Variants in DELE1 observed in about 807,000 individuals in gnomAD.
The protein encoded by DELE1 is DAP3 binding cell death enhancer 1.
In DELE1, 54 loss-of-function variants were observed where a neutral mutation model predicts 59.3. The ratio of observed to expected loss-of-function variants is 0.91; its 90% CI spans 0.73 to 1.14. The LOEUF is 1.14. DELE1 is among the 50% of genes most tolerant of loss of function. DELE1 has a pLI of 0.00. For missense variants in DELE1, 636 were observed against 643.9 expected (o/e 0.99, Z 0.13); for synonymous variants, 264 against 259.1 (o/e 1.02, Z -0.18).
chr5:141,924,561 G>A lies in DELE1; in HGVS notation c.32-20G>A, dbSNP rs376010581. 9 of 1,489,094 alleles carry A rather than the reference G, an allele frequency of 6.0e-6. No homozygotes were observed. The highest frequency in any genetic ancestry group is 1.7e-5 in the Admixed American group (1 of 58,874). The allele number at this position is 1,489,094 out of a possible 1,614,324, so 92.2% of individuals were successfully genotyped here. On this transcript the variant is annotated intron_variant, in intron 1 of 11. Coordinates refer to ENST00000432126, the MANE Select transcript of DELE1 (RefSeq NM_014773.5). ...CCTGGGTTCTTGTTGAGGTGCCTGA[G>A]TTTTGGTTGTTCTGTACAGCTCTTC...
At chr5:141,936,093 T>C (rs766168560) in intron 10 of DELE1, among the ~76,000 whole-genome samples, 1 of 152,158 alleles carries the variant, frequency 6.6e-6, no homozygotes, top group Non-Finnish European at 1.5e-5. Context: ...CAATAGTGTT[T>C]TGTTTTGTTT....
In DELE1 at chr5:141,941,833, T is replaced by C; in HGVS notation, c.*3074T>C. On this transcript the variant is annotated 3_prime_UTR_variant, in exon 12 of 12. Transcript: ENST00000432126. ...AAATAAGTGAGTGATTATACTCAAC[T>C]CCCCCCACCCAATGCCCAGCACCAA... 1.0e-6 allele frequency: 1 copy of C among 985,242 alleles called. No homozygotes were observed. Among genetic ancestry groups the C allele is most frequent in the Non-Finnish European group, 1.2e-6 (1 of 829,900 alleles). The allele number at this position is 985,242 out of a possible 1,614,324, so 61.0% of individuals were successfully genotyped here.
At position 141,938,760 on chromosome 5, in the gene DELE1, G is replaced by A. The variant is rs1459494862; in HGVS notation, c.*1G>A. 2 of 1,609,542 alleles carry A rather than the reference G, an allele frequency of 1.2e-6. No homozygotes were observed. The highest frequency in any genetic ancestry group is 4.5e-5 in the East Asian group (2 of 44,774). ...TGTTGTAAGACTAGGTTTTGGCTAA[G>A]GTGAGATAAAACATAGTCCCTGGTG... is the stretch of plus-strand genomic sequence containing the variant. On this transcript the variant is annotated 3_prime_UTR_variant, in exon 12 of 12. Coordinates refer to ENST00000432126, the MANE Select transcript of DELE1 (RefSeq NM_014773.5).
intron 11 of DELE1, 32 bp downstream of exon 11, chr5:141,937,389 T>G: frequency 1.2e-6 from 2 of 1,610,976 alleles, no homozygotes; most frequent in Non-Finnish European, 8.5e-7. Context: ...AACAGGTTCA[T>G]TCCCTGAGCT....
Position 141,939,367 on chromosome 5 carries a change from A to G in DELE1, c.*608A>G, listed in dbSNP as rs1752605094. The G allele has an allele frequency of 3.1e-6, 3 of 973,848 alleles. No individual in the cohort carries two copies. Among genetic ancestry groups the G allele is most frequent in the Admixed American group, 6.2e-5 (1 of 16,258 alleles). The allele number at this position is 973,848 out of a possible 1,614,324, so 60.3% of individuals were successfully genotyped here. A position where few individuals can be genotyped will look rare whatever the true frequency, so the allele number is the denominator to read the frequency against. On this transcript the variant is annotated 3_prime_UTR_variant, in exon 12 of 12. Coordinates refer to ENST00000432126, the MANE Select transcript of DELE1 (RefSeq NM_014773.5). ...TGGGCACAGATCCAGAGAGGTAGCA[A>G]AAATCACAGGGGTGGTTCCATGAAT...
In DELE1 at chr5:141,933,188, G is replaced by A. The variant is rs1752075900; in HGVS notation, c.755-71G>A. The A allele has an allele frequency of 5.3e-6, 7 of 1,308,844 alleles. No homozygotes were observed. The South Asian group carries it at 7.7e-5, about 14-fold the overall frequency. The allele number at this position is 1,308,844 out of a possible 1,614,324, so 81.1% of individuals were successfully genotyped here. The stretch of plus-strand genomic sequence containing the variant: ...GGGAGGAGGATCAGATGAGGAGTCT[G>A]TAGGTACCTGGCTGAGGGTGTGGGG... On this transcript the variant is annotated intron_variant, in intron 7 of 11. Coordinates refer to ENST00000432126, the MANE Select transcript of DELE1 (RefSeq NM_014773.5).
rs183864649 is a variant in DELE1 at position 141,941,698 on chromosome 5, G to C, written c.*2939G>C. ...CTCAGTTTCCCTATCCGGAGATGCT[G>C]TTTTCAGGGAGTCCTGACACTATGA... On this transcript the variant is annotated 3_prime_UTR_variant, in exon 12 of 12. Transcript: ENST00000432126. 1 of 985,366 alleles carries C rather than the reference G, an allele frequency of 1.0e-6. No individual in the cohort carries two copies. The highest frequency in any genetic ancestry group is 1.1e-4 in the East Asian group (1 of 8,794). The allele number at this position is 985,366 out of a possible 1,614,324, so 61.0% of individuals were successfully genotyped here. A position where few individuals can be genotyped will look rare whatever the true frequency, so the allele number is the denominator to read the frequency against.
Position 141,925,501 on chromosome 5 carries a change from A to G in DELE1, c.238A>G (p.Asn80Asp), listed in dbSNP as rs1378728835. The G allele has an allele frequency of 6.2e-7, 1 of 1,601,978 alleles. No homozygotes were observed. The highest frequency in any genetic ancestry group is 1.1e-5 in the South Asian group (1 of 89,232). Residue 80 changes from asparagine to aspartate, a missense_variant, in exon 3 of 12, where the codon AAC (asparagine) becomes GAC (aspartate). Coordinates refer to ENST00000432126, the MANE Select transcript of DELE1 (RefSeq NM_014773.5). Reference protein sequence around the residue: ...FQWMSSRVSPNTLWDAISWGT... With the variant: ...FQWMSSRVSPDTLWDAISWGT... ...ATGGATGTCTTCCCGTGTCTCCCCG[A>G]ACACCCTATGGGATGCCATATCTTG...
chr5:141,931,641 T>C (rs546168789), intron 7 of DELE1, among the ~76,000 whole-genome samples: 2 of 152,272 alleles, frequency 1.3e-5, no homozygotes, highest in East Asian at 1.9e-4. Context: ...GATCTGGTTA[T>C]ATTAATGAGC....
chr5:141,933,264 G>T lies in DELE1; in HGVS notation c.760G>T (p.Glu254Ter), dbSNP rs1182146298. 6.4e-7 allele frequency: 1 copy of T among 1,551,292 alleles called. No individual in the cohort carries two copies. The highest frequency in any genetic ancestry group is 8.8e-7 in the Non-Finnish European group (1 of 1,134,332). ...TGCCCTGTGCCTTCTTACAGGAACA[G>T]AGAACATGAAGAGTGGCGACCACAC... ...VSIAFNFLGTENMKSGDHTAA... is the reference protein window; with the variant it reads ...VSIAFNFLGT Residue 254 changes from glutamate to a stop codon, truncating the protein, a stop_gained, in exon 8 of 12, where the codon GAG becomes TAG. Transcript: ENST00000432126. LOFTEE classifies it high-confidence loss of function.
rs1360031956 is a variant in DELE1, at chr5:141,939,304, A to G, written c.*545A>G. On this transcript the variant is annotated 3_prime_UTR_variant, in exon 12 of 12. Transcript: ENST00000432126. ...TAGGATAAAGCTAACTGTAAAAAAA[A>G]ATAGTGAATCAGTTTAAAGAAAAAC... 1 of 726,766 alleles carries G rather than the reference A, an allele frequency of 1.4e-6. No individual in the cohort carries two copies. Among genetic ancestry groups the G allele is most frequent in the African/African-American group, 1.9e-5 (1 of 51,844 alleles). 45.0% of individuals were successfully genotyped at this position (726,766 alleles called of 1,614,324 possible).
At position 141,934,940 on chromosome 5, in the gene DELE1, A is replaced by G. The variant is rs1384037354; in HGVS notation, c.1149+354A>G. Reference sequence around the variant, plus strand: ...CTGGGCCTGGTCACTTCTTGATTCAAACCTGTTTCCTCGTCTTTAAAATCA... The same window carrying G: ...CTGGGCCTGGTCACTTCTTGATTCAGACCTGTTTCCTCGTCTTTAAAATCA... On this transcript the variant is annotated intron_variant, in intron 10 of 11. Coordinates refer to ENST00000432126, the MANE Select transcript of DELE1 (RefSeq NM_014773.5). 4 of 252,780 alleles carry G rather than the reference A, an allele frequency of 1.6e-5. No homozygotes were observed. In the East Asian group the frequency reaches 2.8e-4, roughly 18 times the overall value. The allele number at this position is 252,780 out of a possible 1,614,324, so 15.7% of individuals were successfully genotyped here. A position where few individuals can be genotyped will look rare whatever the true frequency, so the allele number is the denominator to read the frequency against.
In DELE1 at chr5:141,939,750, G is replaced by A; in HGVS notation, c.*991G>A. On this transcript the variant is annotated 3_prime_UTR_variant, in exon 12 of 12. Coordinates refer to ENST00000432126, the MANE Select transcript of DELE1 (RefSeq NM_014773.5). ...ACTTGCCTGGCCATGTCACCTTGAA[G>A]CTGTGACCTGACTCCCTATATTGTT... is the stretch of plus-strand genomic sequence containing the variant. 3 of 939,740 alleles carry A rather than the reference G, an allele frequency of 3.2e-6. No individual in the cohort carries two copies. The highest frequency in any genetic ancestry group is 2.5e-6 in the Non-Finnish European group (2 of 788,204). 58.2% of individuals were successfully genotyped at this position (939,740 alleles called of 1,614,324 possible).
In DELE1 at chr5:141,939,886, A is replaced by C. The variant is rs1752635226; in HGVS notation, c.*1127A>C. On this transcript the variant is annotated 3_prime_UTR_variant, in exon 12 of 12. Transcript: ENST00000432126. ...TTGTGCTCACTTTGGCCCAGGAGGC[A>C]GTGATGCTCATGGTTGCATGACTTT... is the stretch of plus-strand genomic sequence containing the variant. 9 of 614,842 alleles carry C rather than the reference A, an allele frequency of 1.5e-5. No homozygotes were observed. In the South Asian group the frequency reaches 6.5e-4, roughly 45 times the overall value. 38.1% of individuals were successfully genotyped at this position (614,842 alleles called of 1,614,324 possible). A position where few individuals can be genotyped will look rare whatever the true frequency, so the allele number is the denominator to read the frequency against.
At chr5:141,929,765 G>GC in intron 5 of DELE1, 25 bp downstream of exon 5, 1 of 1,612,838 alleles carries the variant, frequency 6.2e-7, no homozygotes, top group Non-Finnish European at 8.5e-7. Flanking sequence ...CATGGAATCA[G>GC]CAGAAGGCAG....
In DELE1 at chr5:141,940,658, CT is replaced by C; in HGVS notation, c.*1903del. ...CATCTCCTCGCCTGCTCCCTGCCTC[CT>C]TTTCAGGGCTGCCCTGCACACTGGC... is the stretch of plus-strand genomic sequence containing the variant. On this transcript the variant is annotated 3_prime_UTR_variant, in exon 12 of 12. Transcript: ENST00000432126. The C allele has an allele frequency of 1.0e-6, 1 of 985,600 alleles. No homozygotes were observed. Among genetic ancestry groups the C allele is most frequent in the Admixed American group, 6.1e-5 (1 of 16,296 alleles). 61.1% of individuals were successfully genotyped at this position (985,600 alleles called of 1,614,324 possible). A position where few individuals can be genotyped will look rare whatever the true frequency, so the allele number is the denominator to read the frequency against.
At chr5:141,929,560 T>C in intron 4 of DELE1, 22 bp from the exon 5 acceptor site, 1 of 1,611,308 alleles carries the variant, frequency 6.2e-7, no homozygotes, top group Non-Finnish European at 8.5e-7. Context: ...CAGACCTGAC[T>C]ACTCTTGCTG....
At chr5:141,926,374 G>A (rs925170238) in intron 3 of DELE1, among the ~76,000 whole-genome samples, 2 of 152,098 alleles carry the variant, frequency 1.3e-5, no homozygotes, top group African/African-American at 4.8e-5. Context: ...ATGTTCTACT[G>A]CTTGGTTGCT....
intron 10 of DELE1, among the ~76,000 whole-genome samples, chr5:141,936,110 T>C (rs1272603996): frequency 2.6e-5 from 4 of 152,190 alleles, no homozygotes; most frequent in South Asian, 2.1e-4. Context: ...GTTTTTTTAA[T>C]TGGGAGAGTG....
Sources: gnomAD v4.1 joint callset for allele counts (sites outside exome capture counted in the v4.1 genomes callset) on GRCh38, gnomAD v4.1.1 for gene constraint, MANE v1.5 for transcripts, NCBI Gene and HGNC (gene_info 2026-07-23, HGNC 2026-07-21) for gene names.